The following PCDHGA6 variants were observed in gnomAD, a reference collection of about 807,000 sequenced individuals.
PCDHGA6 encodes protocadherin gamma subfamily A, 6, also known as protocadherin gamma-A6.
In PCDHGA6, 41 loss-of-function variants were observed where a neutral mutation model predicts 60.6. The observed-to-expected ratio is 0.68, with a 90% CI of 0.53 to 0.88. PCDHGA6 has a LOEUF of 0.88. PCDHGA6 is among the 40% of genes least tolerant of loss of function. The pLI is 0.00. For synonymous variants in PCDHGA6, 594 were observed against 524.4 expected, an observed-to-expected ratio of 1.13 and a Z score of -1.81; for missense variants, 1,312 against 1,203.0, an observed-to-expected ratio of 1.09 and a Z score of -1.34.
intron 1 of PCDHGA6, chr5:141,427,552 C>T (rs1233231671): frequency 1.5e-6 from 1 of 645,244 alleles, no homozygotes; most frequent in South Asian, 1.5e-5. Context: ...ATCACTGCCA[C>T]TGACAAGGGC....
intron 1 of PCDHGA6, among the ~76,000 whole-genome samples, chr5:141,438,626 A>G (rs1309857700): frequency 2.3e-5 from 1 of 43,566 alleles, no homozygotes; most frequent in Non-Finnish European, 3.7e-5. Flanking sequence ...ATATATATAT[A>G]TATATATATA....
Position 141,376,216 on chromosome 5 carries a change from G to A in PCDHGA6, c.2133G>A (p.Leu711=), listed in dbSNP as rs1036569498. The change falls in exon 1 of 4, where the codon CTG becomes CTA. Residue 711 remains leucine (L), a synonymous_variant. Transcript: ENST00000517434. The stretch of plus-strand genomic sequence containing the variant: ...TCTTCCTGGCCTTCGTCATCGTGCT[G>A]CTGGCGCTCAGACTGCAGCGCTGGC... ...SCVFLAFVIV[L]LALRLQRWHK... 1.4e-5 allele frequency: 23 copies of A among 1,614,106 alleles called. No individual in the cohort carries two copies. Among genetic ancestry groups the A allele is most frequent in the Non-Finnish European group, 1.9e-5 (23 of 1,180,058 alleles).
Position 141,375,246 on chromosome 5 carries a change from G to C in PCDHGA6, c.1163G>C (p.Arg388Thr). 1 of 1,613,930 alleles carries C rather than the reference G, an allele frequency of 6.2e-7. No individual in the cohort carries two copies. Among genetic ancestry groups the C allele is most frequent in the South Asian group, 1.1e-5 (1 of 91,078 alleles). ...LNGLVTCSIP[R>T]SLPFELEKSV... ...GGCCTGGTAACCTGTTCCATCCCGA[G>C]AAGTCTCCCATTTGAATTGGAAAAA... The change falls in exon 1 of 4, where the codon AGA (arginine) becomes ACA (threonine). Residue 388 changes from arginine to threonine, a missense_variant. By Grantham distance (71) the Arg-to-Thr change is moderately conservative. Coordinates refer to ENST00000517434, the MANE Select transcript of PCDHGA6 (RefSeq NM_018919.3).
At chr5:141,418,746 A>G in intron 1 of PCDHGA6, 1 of 1,613,974 alleles carries the variant, frequency 6.2e-7, no homozygotes, top group Non-Finnish European at 8.5e-7. Context: ...TCTCTGGATT[A>G]CACTACAGGA....
intron 1 of PCDHGA6, chr5:141,384,916 G>T (rs1215010105): frequency 1.2e-6 from 2 of 1,613,886 alleles, no homozygotes; most frequent in Non-Finnish European, 1.7e-6. Flanking sequence ...CGAAGTCTTG[G>T]CCGACCTGGG....
intron 1 of PCDHGA6, chr5:141,418,028 A>C (rs767425160): frequency 1.2e-6 from 2 of 1,613,970 alleles, no homozygotes; most frequent in East Asian, 4.5e-5. Context: ...TCTAGGGCTT[A>C]GTGTCCTGGA....
chr5:141,443,216 C>T (rs758242896), intron 1 of PCDHGA6, among the ~76,000 whole-genome samples: 3 of 151,908 alleles, frequency 2.0e-5, no homozygotes, highest in South Asian at 2.1e-4. Context: ...TCTCGCCAGG[C>T]GCATCTATAA....
chr5:141,438,308 C>G (rs2097949954), intron 1 of PCDHGA6, among the ~76,000 whole-genome samples: 1 of 151,766 alleles, frequency 6.6e-6, no homozygotes, highest in Non-Finnish European at 1.5e-5. Context: ...GAAGTTGGTA[C>G]CACCATAATT....
At position 141,407,135 on chromosome 5, in the gene PCDHGA6, G is replaced by GA. The variant is rs796659459; in HGVS notation, c.2424+30636dup. The stretch of plus-strand genomic sequence containing the variant: ...TGGGTTTCAGTTGCTTTATTTTTAA[G>GA]AAAAAAAAGCTGAAGTGTCTGGGAA... On this transcript the variant is annotated intron_variant, in intron 1 of 3. Coordinates refer to ENST00000517434, the MANE Select transcript of PCDHGA6 (RefSeq NM_018919.3). 3.3e-5 allele frequency among the ~76,000 whole-genome samples: 5 copies of GA among 151,810 alleles called. No homozygotes were observed. In the South Asian group the frequency reaches 6.2e-4, roughly 19 times the overall value.
intron 1 of PCDHGA6, chr5:141,384,422 A>C: frequency 6.2e-7 from 1 of 1,613,924 alleles, no homozygotes; most frequent in Non-Finnish European, 8.5e-7. Flanking sequence ...GTCTCCATAA[A>C]CTCTGACACT....
At chr5:141,403,589 A>ACGGCCT in intron 1 of PCDHGA6, 2 of 1,613,812 alleles carry the variant, frequency 1.2e-6, no homozygotes, top group Non-Finnish European at 1.7e-6. Context: ...CCTGGTCCTC[A>ACGGCCT]CGGCCTCGGA....
At chr5:141,455,842 C>T (rs1224197325) in intron 1 of PCDHGA6, among the ~76,000 whole-genome samples, 1 of 150,876 alleles carries the variant, frequency 6.6e-6, no homozygotes, top group Non-Finnish European at 1.5e-5. Context: ...TGTCTATCTG[C>T]ATAAAATAAT....
chr5:141,427,611 G>A (rs747386422), intron 1 of PCDHGA6: 22 of 691,570 alleles, frequency 3.2e-5, no homozygotes, highest in Non-Finnish European at 5.5e-5. Context: ...CATTGGTGAA[G>A]TCAACGACAA....
At chr5:141,457,647 T>C (rs929739178) in intron 1 of PCDHGA6, among the ~76,000 whole-genome samples, 6 of 152,256 alleles carry the variant, frequency 3.9e-5, no homozygotes, top group Non-Finnish European at 8.8e-5. Context: ...ATTATTTGCA[T>C]GAAGTGCAGC....
At chr5:141,408,317 G>A in intron 1 of PCDHGA6, 1 of 1,613,892 alleles carries the variant, frequency 6.2e-7, no homozygotes, top group Non-Finnish European at 8.5e-7. Context: ...CTCGATTCCG[G>A]AGGAGCTGGC....
chr5:141,447,164 G>T (rs2098528799), intron 1 of PCDHGA6, among the ~76,000 whole-genome samples: 1 of 151,766 alleles, frequency 6.6e-6, no homozygotes, highest in South Asian at 2.1e-4. Context: ...GTTTAAGCGG[G>T]GTCTTGCTCT....
chr5:141,426,363 C>T (rs994657779), intron 1 of PCDHGA6: 12 of 202,404 alleles, frequency 5.9e-5, no homozygotes, highest in East Asian at 4.4e-4. Context: ...CTTTGTTCTG[C>T]GGGGCACCCT....
chr5:141,394,633 G>A (rs1026935408), intron 1 of PCDHGA6: 57 of 1,613,274 alleles, frequency 3.5e-5, no homozygotes, highest in Middle Eastern at 1.7e-4. Flanking sequence ...CTGTCCTACC[G>A]CCTGCTCAAG....
At chr5:141,405,082 G>A (rs376389835) in intron 1 of PCDHGA6, 21 of 1,613,674 alleles carry the variant, frequency 1.3e-5, no homozygotes, top group East Asian at 2.2e-5. Context: ...TCGTTATCAC[G>A]CTGCTGGCCC....
Sources: gnomAD v4.1 joint callset for allele counts (sites outside exome capture counted in the v4.1 genomes callset) on GRCh38, gnomAD v4.1.1 for gene constraint, MANE v1.5 for transcripts, NCBI Gene and HGNC (gene_info 2026-07-23, HGNC 2026-07-21) for gene names.